AGPAT5: variants seen among roughly 807,000 people sequenced by gnomAD.
AGPAT5 encodes 1-acyl-sn-glycerol-3-phosphate acyltransferase epsilon.
AGPAT5 carries 46 observed loss-of-function variants against 45.6 expected under a neutral mutation model. The ratio of observed to expected loss-of-function variants is 1.01; its 90% CI spans 0.80 to 1.29. The LOEUF is 1.29. Among genes scored for constraint, AGPAT5 ranks in the 50% most tolerant of loss-of-function variants. AGPAT5 has a pLI of 0.00. For missense variants in AGPAT5, 673 were observed against 450.7 expected (o/e 1.49, Z -4.47); for synonymous variants, 272 against 167.0 (o/e 1.63, Z -4.85).
At chr8:6,753,509 T>C (rs560516304) in intron 6 of AGPAT5, among the ~76,000 whole-genome samples, 47 of 152,324 alleles carry the variant, frequency 3.1e-4, no homozygotes, top group African/African-American at 1.1e-3. Context: ...AGCTAACACA[T>C]AGTGCATACT....
intron 1 of AGPAT5, among the ~76,000 whole-genome samples, chr8:6,723,413 C>T (rs1428091756): frequency 3.3e-5 from 5 of 152,162 alleles, no homozygotes; most frequent in Non-Finnish European, 5.9e-5. Flanking sequence ...GTTTGAACTT[C>T]TGGGCTTAAG....
At chr8:6,739,858 T>A (rs150187396) in intron 4 of AGPAT5, among the ~76,000 whole-genome samples, 1,672 of 152,256 alleles carry the variant, frequency 0.011, 27 homozygotes, top group African/African-American at 0.039. Context: ...ACTCATTCTT[T>A]TATCCATTCT....
intron 1 of AGPAT5, among the ~76,000 whole-genome samples, chr8:6,716,260 A>G (rs1196651521): frequency 6.6e-6 from 1 of 152,208 alleles, no homozygotes; most frequent in Non-Finnish European, 1.5e-5. Context: ...TTCTTTTAAC[A>G]AAAATGGTGG....
At chr8:6,720,580 C>G (rs928964735) in intron 1 of AGPAT5, among the ~76,000 whole-genome samples, 2 of 152,068 alleles carry the variant, frequency 1.3e-5, no homozygotes, top group African/African-American at 2.4e-5. Flanking sequence ...TGGATGCTAC[C>G]AAGCCTTCTG....
rs1800378107 is a variant in AGPAT5 at position 6,717,742 on chromosome 8, C to T, written c.220-7128C>T. Among the ~76,000 whole-genome samples, 3 of 152,126 alleles carry T rather than the reference C, an allele frequency of 2.0e-5. No individual in the cohort carries two copies. In the South Asian group the frequency reaches 6.2e-4, roughly 32 times the overall value. On this transcript the variant is annotated intron_variant, in intron 1 of 7. Coordinates refer to ENST00000285518, the MANE Select transcript of AGPAT5 (RefSeq NM_018361.5). ...GGTGCACTTACATATTGCATTGCTT[C>T]CGGGCTTAATTTGTGTTCATATAGG... is the stretch of plus-strand genomic sequence containing the variant.
chr8:6,728,062 A>G (rs17574102), intron 2 of AGPAT5, among the ~76,000 whole-genome samples: 5,643 of 152,290 alleles, frequency 0.037, 145 homozygotes, highest in Non-Finnish European at 0.058. Flanking sequence ...CACATGCAGT[A>G]TCTCTTGGAC....
At position 6,731,397 on chromosome 8, in the gene AGPAT5, G is replaced by C. The variant is rs1340309343; in HGVS notation, c.405+571G>C. Among the ~76,000 whole-genome samples the C allele has an allele frequency of 2.0e-5, 3 of 151,978 alleles. No homozygotes were observed. The South Asian group carries it at 6.2e-4, about 32-fold the overall frequency. On this transcript the variant is annotated intron_variant, in intron 3 of 7. Coordinates refer to ENST00000285518, the MANE Select transcript of AGPAT5 (RefSeq NM_018361.5). Reference sequence around the variant, plus strand: ...GTGTTCAAGACCCTCATATAGAATGGGATAGTATTTGCATATAACCTGTGC... The same window carrying C: ...GTGTTCAAGACCCTCATATAGAATGCGATAGTATTTGCATATAACCTGTGC...
chr8:6,753,629 C>T (rs889531529), intron 6 of AGPAT5, among the ~76,000 whole-genome samples: 2 of 152,114 alleles, frequency 1.3e-5, no homozygotes, highest in Non-Finnish European at 2.9e-5. Context: ...AAGGTTACCC[C>T]AGAGGTGGAG....
intron 4 of AGPAT5, among the ~76,000 whole-genome samples, chr8:6,740,715 G>A (rs886690497): frequency 6.6e-6 from 1 of 152,004 alleles, no homozygotes; most frequent in Non-Finnish European, 1.5e-5. Flanking sequence ...GGAGCTGTAT[G>A]ATCATAGGTC....
intron 6 of AGPAT5, among the ~76,000 whole-genome samples, chr8:6,754,411 A>G (rs183129798): frequency 5.3e-5 from 8 of 152,298 alleles, no homozygotes; most frequent in Non-Finnish European, 8.8e-5. Flanking sequence ...ATGATTAGAA[A>G]CCAATGGCCA....
At chr8:6,735,450 A>G (rs1361102613) in intron 4 of AGPAT5, among the ~76,000 whole-genome samples, 1 of 152,210 alleles carries the variant, frequency 6.6e-6, no homozygotes, top group Non-Finnish European at 1.5e-5. Context: ...TCTGTAGCCC[A>G]GGGGTTCGTC....
At chr8:6,721,659 G>A (rs1800505914) in intron 1 of AGPAT5, among the ~76,000 whole-genome samples, 1 of 152,240 alleles carries the variant, frequency 6.6e-6, no homozygotes, top group African/African-American at 2.4e-5. Context: ...AGTCTTAATT[G>A]AAGTCCATTA....
intron 4 of AGPAT5, among the ~76,000 whole-genome samples, chr8:6,741,305 G>T (rs534536438): frequency 6.6e-6 from 1 of 151,988 alleles, no homozygotes; most frequent in Non-Finnish European, 1.5e-5. Flanking sequence ...TAAAAATGAC[G>T]TATTACAGGA....
intron 3 of AGPAT5, among the ~76,000 whole-genome samples, chr8:6,731,938 C>T (rs1020253330): frequency 6.6e-6 from 1 of 152,190 alleles, no homozygotes; most frequent in East Asian, 1.9e-4. Flanking sequence ...ACTGCTTCCT[C>T]TTCTTAGAAG....
intron 1 of AGPAT5, among the ~76,000 whole-genome samples, chr8:6,712,429 C>T (rs1800185301): frequency 6.6e-6 from 1 of 151,936 alleles, no homozygotes; most frequent in South Asian, 2.1e-4. Flanking sequence ...GGTGATATAA[C>T]TTCTAAGACA....
intron 4 of AGPAT5, among the ~76,000 whole-genome samples, chr8:6,732,909 A>G (rs1800915747): frequency 6.6e-6 from 1 of 152,236 alleles, no homozygotes. Flanking sequence ...GGTGTCGTTC[A>G]GAGTCTATAA....
At chr8:6,726,327 T>G (rs1469658253) in intron 2 of AGPAT5, among the ~76,000 whole-genome samples, 2 of 152,250 alleles carry the variant, frequency 1.3e-5, no homozygotes, top group Non-Finnish European at 2.9e-5. Context: ...GATTTGATTT[T>G]CCTGCATTTC....
chr8:6,744,918 A>G (rs1182145926), intron 5 of AGPAT5, among the ~76,000 whole-genome samples: 1 of 152,086 alleles, frequency 6.6e-6, no homozygotes, highest in Non-Finnish European at 1.5e-5. Context: ...ACATCGTAAG[A>G]TCAATGCTGA....
intron 4 of AGPAT5, among the ~76,000 whole-genome samples, chr8:6,736,711 A>T (rs1047695777): frequency 1.3e-5 from 2 of 152,230 alleles, no homozygotes; most frequent in Non-Finnish European, 2.9e-5. Context: ...GCCCCACCCA[A>T]ACGAGATTCT....
Sources: allele counts gnomAD v4.1 joint callset (sites outside exome capture counted in the v4.1 genomes callset), GRCh38; gene constraint gnomAD v4.1.1; transcripts MANE v1.5; gene names NCBI Gene and HGNC (gene_info 2026-07-23, HGNC 2026-07-21).